Variants in SULF2 observed in about 807,000 individuals in gnomAD.
The protein encoded by SULF2 is extracellular sulfatase Sulf-2.
Under a neutral mutation model 107.7 loss-of-function variants are expected in SULF2, and 52 were observed. That is an observed-to-expected ratio of 0.48 (90% CI 0.39 to 0.61). The LOEUF (loss-of-function observed/expected upper bound fraction) is 0.61. Ranked by LOEUF, SULF2 falls within the 20% of genes least tolerant of loss-of-function variation. The pLI is 0.00. For missense variants in SULF2, 993 were observed against 1,177.3 expected (o/e 0.84, Z 2.29); for synonymous variants, 460 against 464.3 (o/e 0.99, Z 0.12).
chr20:47,742,775 A>C (rs2089915210), intron 2 of SULF2, among the ~76,000 whole-genome samples: 1 of 152,126 alleles, frequency 6.6e-6, no homozygotes, highest in African/African-American at 2.4e-5. Flanking sequence ...TCGTTGATAA[A>C]ATCAATATTT....
chr20:47,720,154 G>A (rs545722344), intron 3 of SULF2, among the ~76,000 whole-genome samples: 3 of 152,044 alleles, frequency 2.0e-5, no homozygotes, highest in African/African-American at 7.2e-5. Context: ...GGGGTTTCAC[G>A]GTGTTAGCCA....
chr20:47,767,222 T>C (rs763407954), intron 1 of SULF2, among the ~76,000 whole-genome samples: 1 of 152,208 alleles, frequency 6.6e-6, no homozygotes, highest in Admixed American at 6.5e-5. Flanking sequence ...ACAGAGTGGA[T>C]GGTTTAACAT....
chr20:47,755,901 C>T (rs533716098), intron 2 of SULF2, among the ~76,000 whole-genome samples: 14 of 148,392 alleles, frequency 9.4e-5, no homozygotes, highest in Admixed American at 4.1e-4. Flanking sequence ...CCCTCCACTC[C>T]GGCTCCCTGG....
intron 3 of SULF2, among the ~76,000 whole-genome samples, chr20:47,712,320 A>G (rs2088960144): frequency 6.6e-6 from 1 of 152,108 alleles, no homozygotes; most frequent in Non-Finnish European, 1.5e-5. Context: ...TACCCCACCG[A>G]GCATTGGCAC....
chr20:47,762,819 A>G (rs112360174), intron 1 of SULF2, among the ~76,000 whole-genome samples: 1 of 151,826 alleles, frequency 6.6e-6, no homozygotes, highest in African/African-American at 2.4e-5. Context: ...AGCACCCCCC[A>G]CTCCTGGGCG....
At chr20:47,780,893 G>C (rs1042680061) in intron 1 of SULF2, among the ~76,000 whole-genome samples, 1 of 152,174 alleles carries the variant, frequency 6.6e-6, no homozygotes, top group Admixed American at 6.5e-5. Flanking sequence ...CCTGCATTAG[G>C]CAGGAAGACA....
In SULF2 at chr20:47,721,857, C is replaced by T. The variant is rs1360600709; in HGVS notation, c.415+14846G>A. On this transcript the variant is annotated intron_variant, in intron 3 of 20. Coordinates refer to ENST00000688720, the MANE Select transcript of SULF2 (RefSeq NM_001387048.1). ...CCTGGACCAGGCCCATGAGGTTGGC[C>T]TGGACAATCAGGGTATCTCCTTTTG... Among the ~76,000 whole-genome samples, 27 of 152,182 alleles carry T rather than the reference C, an allele frequency of 1.8e-4. 1 individual carries two copies. Among genetic ancestry groups the T allele is most frequent in the Admixed American group, 1.7e-3 (26 of 15,268 alleles).
At chr20:47,761,543 T>C (rs1359024814) in intron 1 of SULF2, among the ~76,000 whole-genome samples, 1 of 152,212 alleles carries the variant, frequency 6.6e-6, no homozygotes, top group African/African-American at 2.4e-5. Context: ...ATTGTACAAA[T>C]AAAAGTCAAA....
chr20:47,666,072 C>T lies in SULF2; in HGVS notation c.1806-119G>A, dbSNP rs774255161. 6.2e-7 allele frequency: 1 copy of T among 1,600,368 alleles called. No individual in the cohort carries two copies. Among genetic ancestry groups the T allele is most frequent in the Non-Finnish European group, 8.6e-7 (1 of 1,168,830 alleles). ...GTCCTGTCCCCTTCACCCTCGACTT[C>T]CACCTGGACACTCACCGATGTGTCA... On this transcript the variant is annotated intron_variant, in intron 12 of 20. Transcript: ENST00000688720. The surrounding 1 kb of genome is among the most constrained non-coding windows in gnomAD (Gnocchi z 5.4).
intron 2 of SULF2, among the ~76,000 whole-genome samples, chr20:47,740,566 T>C (rs1404540153): frequency 1.3e-5 from 2 of 152,176 alleles, no homozygotes; most frequent in Non-Finnish European, 2.9e-5. Flanking sequence ...TGCCTTAGAT[T>C]AATTGCGTGG....
intron 4 of SULF2, among the ~76,000 whole-genome samples, chr20:47,701,707 T>C (rs989510521): frequency 1.3e-5 from 2 of 152,132 alleles, no homozygotes; most frequent in Non-Finnish European, 2.9e-5. Flanking sequence ...ATAAACAAAT[T>C]GTGGTATAAG....
chr20:47,736,916 G>C lies in SULF2; in HGVS notation c.202C>G (p.Arg68Gly). 2 of 1,614,230 alleles carry C rather than the reference G, an allele frequency of 1.2e-6. No homozygotes were observed. Among genetic ancestry groups the C allele is most frequent in the Non-Finnish European group, 8.5e-7 (1 of 1,180,036 alleles). The change falls in exon 3 of 21, where the codon CGG becomes GGG. Residue 68 changes from arginine to glycine, a missense_variant. Around this residue, in one of 3 missense-constraint regions of SULF2, gnomAD observed 388 missense variants for 449.2 expected, o/e 0.86. Coordinates refer to ENST00000688720, the MANE Select transcript of SULF2 (RefSeq NM_001387048.1). ...GCCCCGCCCTGCTCCATGATGCGCC[G>C]GGTCTTGTTCATCACCTGCATGGAA... ...LGSMQVMNKT[R>G]RIMEQGGAHF...
intron 2 of SULF2, among the ~76,000 whole-genome samples, chr20:47,746,613 G>T (rs964981683): frequency 4.6e-5 from 7 of 152,278 alleles, no homozygotes; most frequent in South Asian, 2.1e-4. Flanking sequence ...GGGAGAGAAA[G>T]GCCTGGGGCA....
At chr20:47,662,384 G>C (rs956176921) in intron 17 of SULF2, among the ~76,000 whole-genome samples, 2 of 152,216 alleles carry the variant, frequency 1.3e-5, no homozygotes, top group Non-Finnish European at 2.9e-5. Context: ...TATCTAAGGA[G>C]AAAGACTGCA....
intron 5 of SULF2, among the ~76,000 whole-genome samples, chr20:47,689,020 T>C (rs1220899609): frequency 1.3e-5 from 2 of 151,976 alleles, no homozygotes; most frequent in Non-Finnish European, 2.9e-5. Context: ...TTCCAGGAAG[T>C]TTCCCAGCCA....
intron 2 of SULF2, among the ~76,000 whole-genome samples, chr20:47,754,599 C>T (rs186982757): frequency 6.6e-6 from 1 of 152,336 alleles, no homozygotes; most frequent in African/African-American, 2.4e-5. Flanking sequence ...AGAGCTGACA[C>T]AGGCCACTGA....
At chr20:47,696,928 A>C (rs541341177) in intron 4 of SULF2, among the ~76,000 whole-genome samples, 1 of 152,252 alleles carries the variant, frequency 6.6e-6, no homozygotes, top group South Asian at 2.1e-4. Context: ...TAATAAACAG[A>C]GCTACAACCA....
rs1268621939 is a variant in SULF2, at chr20:47,666,766, T to C, written c.1577-278A>G. Among the ~76,000 whole-genome samples the C allele has an allele frequency of 1.3e-5, 2 of 152,150 alleles. No homozygotes were observed. The highest frequency in any genetic ancestry group is 2.9e-5 in the Non-Finnish European group (2 of 68,024). On this transcript the variant is annotated intron_variant, in intron 11 of 20. Transcript: ENST00000688720. The surrounding 1 kb of genome is among the most constrained non-coding windows in gnomAD (Gnocchi z 5.4). ...CGAGAGCTGCTTGCGGGTAAACAAA[T>C]GGCGGTACATCATCTGTACAACGGA...
intron 1 of SULF2, among the ~76,000 whole-genome samples, chr20:47,778,044 G>C (rs573972981): frequency 5.9e-5 from 9 of 152,120 alleles, no homozygotes; most frequent in Non-Finnish European, 1.2e-4. Flanking sequence ...GGGAGGCTGA[G>C]GTGGGAGAAT....
Sources: gnomAD v4.1 joint callset for allele counts (sites outside exome capture counted in the v4.1 genomes callset) on GRCh38, gnomAD v4.1.1 for gene constraint, gnomAD v4.1.1 regional missense constraint, Gnocchi (gnomAD v3.1) non-coding constraint, MANE v1.5 for transcripts, NCBI Gene and HGNC (gene_info 2026-07-23, HGNC 2026-07-21) for gene names.